KAT6B: variants seen among roughly 807,000 people sequenced by gnomAD.
KAT6B encodes the protein histone acetyltransferase KAT6B.
KAT6B carries 10 observed loss-of-function variants against 187.5 expected under a neutral mutation model. The observed-to-expected ratio is 0.05, with a 90% CI of 0.03 to 0.09. The LOEUF (loss-of-function observed/expected upper bound fraction) is 0.09. KAT6B is among the 10% of genes least tolerant of loss of function. The pLI is 1.00. For missense variants in KAT6B, 1,952 were observed against 2,558.9 expected (o/e 0.76, Z 5.12); for synonymous variants, 861 against 926.8 (o/e 0.93, Z 1.29).
At chr10:75,008,880 A>T (rs1024161439) in intron 13 of KAT6B, among the ~76,000 whole-genome samples, 6 of 152,160 alleles carry the variant, frequency 3.9e-5, no homozygotes, top group Non-Finnish European at 8.8e-5. Flanking sequence ...TTAAGCATAA[A>T]CTTTCTTTGA....
intron 3 of KAT6B, among the ~76,000 whole-genome samples, chr10:74,876,164 A>G (rs1320395151): frequency 6.6e-6 from 1 of 152,186 alleles, no homozygotes; most frequent in African/African-American, 2.4e-5. Context: ...AACATTGCCT[A>G]CTATTTGAAG....
At chr10:74,968,704 G>A (rs939502850) in intron 4 of KAT6B, among the ~76,000 whole-genome samples, 1 of 151,978 alleles carries the variant, frequency 6.6e-6, no homozygotes, top group Non-Finnish European at 1.5e-5. Flanking sequence ...TTAAAGACCA[G>A]GTTTAAAAAA....
In KAT6B at chr10:75,021,330, G is replaced by A. The variant is rs529386886; in HGVS notation, c.3021+45G>A. 5.6e-6 allele frequency: 9 copies of A among 1,596,796 alleles called. No homozygotes were observed. In the South Asian group the frequency reaches 7.7e-5, roughly 14 times the overall value. ...TCCTAAGTTGTGTAACTTCAATCTT[G>A]TAGCATTCTTAAGCTAAGAAAGTCA... On this transcript the variant is annotated intron_variant, in intron 15 of 17. Coordinates refer to ENST00000287239, the MANE Select transcript of KAT6B (RefSeq NM_012330.4).
intron 13 of KAT6B, among the ~76,000 whole-genome samples, chr10:74,995,675 A>G (rs1348281002): frequency 6.6e-6 from 1 of 152,182 alleles, no homozygotes; most frequent in Non-Finnish European, 1.5e-5. Context: ...CTTTTCTTTG[A>G]CAGCTGCACT....
At chr10:74,960,214 A>G (rs573176421) in intron 4 of KAT6B, 136 bp downstream of exon 4, 15 of 719,866 alleles carry the variant, frequency 2.1e-5, no homozygotes, top group Admixed American at 4.4e-5. Flanking sequence ...ATTTTAAAAG[A>G]AAAAGTAAGG....
At chr10:74,894,493 C>CACAGTATGT (rs1845855277) in intron 3 of KAT6B, among the ~76,000 whole-genome samples, 1 of 152,124 alleles carries the variant, frequency 6.6e-6, no homozygotes, top group South Asian at 2.1e-4. Context: ...TAACTGTATG[C>CACAGTATGT]AACAGTTAGT....
In KAT6B at chr10:74,944,669, C is replaced by T. The variant is rs544073229; in HGVS notation, c.622-15301C>T. On this transcript the variant is annotated intron_variant, in intron 3 of 17. Transcript: ENST00000287239. ...CTAAATATACAAAAAATTAGCCGGG[C>T]GTAGTGGCAGGCGCCTGTGTTCCCA... Among the ~76,000 whole-genome samples, 6 of 151,992 alleles carry T rather than the reference C, an allele frequency of 3.9e-5. No individual in the cohort carries two copies. In the East Asian group the frequency reaches 7.8e-4, roughly 20 times the overall value.
chr10:74,837,930 G>C (rs1222176523), intron 1 of KAT6B, among the ~76,000 whole-genome samples: 1 of 150,692 alleles, frequency 6.6e-6, no homozygotes, highest in East Asian at 1.9e-4. Flanking sequence ...AATTAACTCT[G>C]TTGGTTGGTG....
At position 75,032,492 on chromosome 10, in the gene KAT6B, A is replaced by G. The variant is rs550688557; in HGVS notation, c.*1446A>G. 1.2e-4 allele frequency: 23 copies of G among 184,304 alleles called. No homozygotes were observed. Among genetic ancestry groups the G allele is most frequent in the African/African-American group, 5.1e-4 (22 of 42,740 alleles). 11.4% of individuals were successfully genotyped at this position (184,304 alleles called of 1,614,324 possible). ...GAGTAATATCTAATAAAACCATCAC[A>G]TATACCAAATACCTATTTAATAAAT... On this transcript the variant is annotated 3_prime_UTR_variant, in exon 18 of 18. Transcript: ENST00000287239.
chr10:74,972,854 T>C (rs551378257), intron 7 of KAT6B, among the ~76,000 whole-genome samples: 43 of 152,318 alleles, frequency 2.8e-4, no homozygotes, highest in African/African-American at 1.0e-3. Context: ...TGGCAGTAGC[T>C]GTGATACTAA....
chr10:74,892,892 C>T (rs1461987371), intron 3 of KAT6B, among the ~76,000 whole-genome samples: 1 of 152,170 alleles, frequency 6.6e-6, no homozygotes, highest in East Asian at 1.9e-4. Context: ...TCTGAAAGCC[C>T]CCCATGTGGC....
At chr10:75,000,344 G>A (rs1843743172) in intron 13 of KAT6B, among the ~76,000 whole-genome samples, 1 of 151,982 alleles carries the variant, frequency 6.6e-6, no homozygotes, top group Non-Finnish European at 1.5e-5. Context: ...AAAAAATCGA[G>A]GGGAAAACAA....
intron 3 of KAT6B, among the ~76,000 whole-genome samples, chr10:74,886,432 C>T (rs922516033): frequency 2.6e-5 from 4 of 152,120 alleles, no homozygotes; most frequent in African/African-American, 7.2e-5. Context: ...TTGAAAATGC[C>T]GAGTTTGACT....
intron 2 of KAT6B, among the ~76,000 whole-genome samples, chr10:74,840,942 C>T (rs1841702846): frequency 6.6e-6 from 1 of 152,088 alleles, no homozygotes; most frequent in South Asian, 2.1e-4. Context: ...TTATTTTCTT[C>T]TCTTAGGTAT....
intron 13 of KAT6B, among the ~76,000 whole-genome samples, chr10:74,996,404 G>A (rs541815570): frequency 2.0e-5 from 3 of 152,282 alleles, no homozygotes; most frequent in African/African-American, 7.2e-5. Context: ...ACATACCTGG[G>A]TAACTACAGC....
chr10:74,885,625 A>C (rs779053956), intron 3 of KAT6B, among the ~76,000 whole-genome samples: 8 of 152,188 alleles, frequency 5.3e-5, no homozygotes, highest in Non-Finnish European at 8.8e-5. Flanking sequence ...GTTATCTAGG[A>C]TAAAGAAGTG....
intron 13 of KAT6B, among the ~76,000 whole-genome samples, chr10:74,999,723 T>G (rs1027085687): frequency 2.0e-5 from 3 of 152,320 alleles, no homozygotes; most frequent in East Asian, 3.9e-4. Flanking sequence ...TGGGGTAGGT[T>G]ACTGTGACCA....
At chr10:74,825,119 G>T (rs1401357715), upstream of KAT6B, among the ~76,000 whole-genome samples, 1 of 152,172 alleles carries the variant, frequency 6.6e-6, no homozygotes, top group Non-Finnish European at 1.5e-5. The surrounding 1 kb of genome is among the most constrained non-coding windows in gnomAD (Gnocchi z 5.0). Flanking sequence ...CACAGCTCCC[G>T]AGGCGTCCCC....
intron 3 of KAT6B, among the ~76,000 whole-genome samples, chr10:74,845,572 T>C (rs1842045259): frequency 6.6e-6 from 1 of 150,898 alleles, no homozygotes; most frequent in Non-Finnish European, 1.5e-5. Context: ...ATGGTGGTTT[T>C]ATTCATGGTT....
Sources: gnomAD v4.1 joint callset for allele counts (sites outside exome capture counted in the v4.1 genomes callset) on GRCh38, gnomAD v4.1.1 for gene constraint, Gnocchi (gnomAD v3.1) non-coding constraint, MANE v1.5 for transcripts, NCBI Gene and HGNC (gene_info 2026-07-23, HGNC 2026-07-21) for gene names.